SDK1: variants seen among roughly 807,000 people sequenced by gnomAD.
SDK1 encodes the protein protein sidekick-1.
In SDK1, 157 loss-of-function variants were observed where a neutral mutation model predicts 245.5. That is an observed-to-expected ratio of 0.64 (90% CI 0.56 to 0.73). The LOEUF (loss-of-function observed/expected upper bound fraction) is 0.73. Among genes scored for constraint, SDK1 ranks in the 30% least tolerant of loss-of-function variants. The pLI is 0.00. For synonymous variants in SDK1, 1,647 were observed against 1,278.5 expected, an observed-to-expected ratio of 1.29 and a Z score of -6.15; for missense variants, 3,583 against 3,002.3, an observed-to-expected ratio of 1.19 and a Z score of -4.52.
chr7:3,394,300 A>C (rs564462382), intron 1 of SDK1, among the ~76,000 whole-genome samples: 1 of 152,262 alleles, frequency 6.6e-6, no homozygotes, highest in African/African-American at 2.4e-5. Context: ...CGTATTATCT[A>C]TTCCCTAGTG....
intron 4 of SDK1, among the ~76,000 whole-genome samples, chr7:3,805,445 G>T (rs991939083): frequency 6.6e-6 from 1 of 152,182 alleles, no homozygotes; most frequent in African/African-American, 2.4e-5. Flanking sequence ...GTGACATGAC[G>T]TAGTCTTTGC....
At chr7:3,926,603 T>G (rs1779778520) in intron 5 of SDK1, among the ~76,000 whole-genome samples, 1 of 152,096 alleles carries the variant, frequency 6.6e-6, no homozygotes, top group South Asian at 2.1e-4. Context: ...GGTCTCGAAC[T>G]CCTGGGCTCA....
intron 26 of SDK1, 41 bp downstream of exon 26, chr7:4,127,537 G>A (rs1784470096): frequency 6.8e-7 from 1 of 1,468,560 alleles, no homozygotes; most frequent in South Asian, 1.1e-5. Flanking sequence ...TTAAAGAGTG[G>A]GCTGGGGAAA....
At chr7:3,566,918 A>G (rs1027536709) in intron 1 of SDK1, among the ~76,000 whole-genome samples, 3 of 152,162 alleles carry the variant, frequency 2.0e-5, no homozygotes. Context: ...AGGATGGTAG[A>G]TACAAGTGGG....
intron 1 of SDK1, among the ~76,000 whole-genome samples, chr7:3,372,869 G>T (rs1020866531): frequency 1.4e-4 from 22 of 152,132 alleles, no homozygotes; most frequent in Non-Finnish European, 2.8e-4. Context: ...TTCTCACATT[G>T]TAGAAACTTG....
At chr7:3,437,113 CT>C (rs1391765998) in intron 1 of SDK1, among the ~76,000 whole-genome samples, 8 of 152,158 alleles carry the variant, frequency 5.3e-5, no homozygotes, top group Non-Finnish European at 1.0e-4. Flanking sequence ...TTAATACATC[CT>C]TTAAAAATCA....
intron 4 of SDK1, among the ~76,000 whole-genome samples, chr7:3,766,446 C>A (rs1780255365): frequency 6.6e-6 from 1 of 152,172 alleles, no homozygotes; most frequent in South Asian, 2.1e-4. Context: ...TCCCCTACAC[C>A]AGTCACTTCC....
intron 1 of SDK1, among the ~76,000 whole-genome samples, chr7:3,315,305 T>C (rs886440627): frequency 2.6e-5 from 4 of 152,206 alleles, no homozygotes; most frequent in Admixed American, 1.3e-4. Context: ...CTTCAAGTTA[T>C]ACAGTATCAT....
chr7:4,040,755 T>G (rs1788567518), intron 17 of SDK1, among the ~76,000 whole-genome samples: 1 of 152,198 alleles, frequency 6.6e-6, no homozygotes, highest in Admixed American at 6.5e-5. Flanking sequence ...CCTAATCTTT[T>G]ATTATGCGGA....
chr7:3,529,893 G>C (rs1583129148), intron 1 of SDK1, among the ~76,000 whole-genome samples: 1 of 152,276 alleles, frequency 6.6e-6, no homozygotes, highest in African/African-American at 2.4e-5. Flanking sequence ...ATCCCAGCCT[G>C]AGTCTGGGTA....
chr7:3,448,661 A>G (rs1466410809), intron 1 of SDK1, among the ~76,000 whole-genome samples: 1 of 152,096 alleles, frequency 6.6e-6, no homozygotes, highest in Admixed American at 6.6e-5. Flanking sequence ...CAAGCTTTGC[A>G]TTTTTGTAGA....
chr7:4,068,119 C>T (rs746633680), intron 20 of SDK1, among the ~76,000 whole-genome samples, 183 bp downstream of exon 20: 4 of 152,206 alleles, frequency 2.6e-5, no homozygotes, highest in South Asian at 2.1e-4. Context: ...CAGTGAGAGC[C>T]AGCCTGGTCT....
chr7:4,149,239 G>A (rs774980488), intron 29 of SDK1, 23 bp from the exon 30 acceptor site: 3 of 1,488,272 alleles, frequency 2.0e-6, no homozygotes, highest in Admixed American at 2.3e-5. Flanking sequence ...ACATGTCCCT[G>A]GTCTGTCCTC....
intron 22 of SDK1, among the ~76,000 whole-genome samples, chr7:4,081,841 C>T (rs1018263881): frequency 2.0e-5 from 3 of 152,144 alleles, no homozygotes; most frequent in African/African-American, 7.2e-5. Flanking sequence ...TGCATCCATC[C>T]ATCCCTGGTT....
At chr7:3,898,185 T>C (rs1250364690) in intron 5 of SDK1, among the ~76,000 whole-genome samples, 3 of 152,184 alleles carry the variant, frequency 2.0e-5, no homozygotes, top group Non-Finnish European at 4.4e-5. Flanking sequence ...CTTTAATTAC[T>C]CAGTGACAGA....
intron 19 of SDK1, among the ~76,000 whole-genome samples, chr7:4,060,514 T>A (rs1779471403): frequency 6.6e-6 from 1 of 152,122 alleles, no homozygotes; most frequent in Non-Finnish European, 1.5e-5. Context: ...TAAATTTGTT[T>A]GAGTTCATTG....
rs1788555749 is a variant in SDK1 at position 4,267,722 on chromosome 7, A to G, written c.*2338A>G. On this transcript the variant is annotated 3_prime_UTR_variant, in exon 45 of 45. Coordinates refer to ENST00000404826, the MANE Select transcript of SDK1 (RefSeq NM_152744.4). ...TGTTTGTTGCTCTCGGGTTTTCGAT[A>G]CAACATCATGACACTTCTGTTTCAA... 4 of 985,456 alleles carry G rather than the reference A, an allele frequency of 4.1e-6. No individual in the cohort carries two copies. The highest frequency in any genetic ancestry group is 2.4e-6 in the Non-Finnish European group (2 of 829,964). The allele number at this position is 985,456 out of a possible 1,614,324, so 61.0% of individuals were successfully genotyped here. A position where few individuals can be genotyped will look rare whatever the true frequency, so the allele number is the denominator to read the frequency against.
intron 22 of SDK1, among the ~76,000 whole-genome samples, chr7:4,087,082 C>A (rs1584083035): frequency 6.6e-6 from 1 of 151,476 alleles, no homozygotes; most frequent in Non-Finnish European, 1.5e-5. Context: ...TTGCATGCCT[C>A]TGGTTTTTGA....
chr7:4,101,190 C>T (rs547220443), intron 22 of SDK1, among the ~76,000 whole-genome samples: 5 of 151,924 alleles, frequency 3.3e-5, no homozygotes, highest in African/African-American at 1.2e-4. Context: ...GCTCTGTCAC[C>T]CAGGCTGGAG....
Sources: gnomAD v4.1 joint callset for allele counts (sites outside exome capture counted in the v4.1 genomes callset) on GRCh38, gnomAD v4.1.1 for gene constraint, MANE v1.5 for transcripts, NCBI Gene and HGNC (gene_info 2026-07-23, HGNC 2026-07-21) for gene names.